Variants in RPS6KC1 observed in about 807,000 individuals in gnomAD.
RPS6KC1 encodes inactive ribosomal protein S6 kinase delta-1.
Under a neutral mutation model 103.8 loss-of-function variants are expected in RPS6KC1, and 54 were observed. The observed-to-expected ratio is 0.52, with a 90% CI of 0.42 to 0.65. RPS6KC1 has a LOEUF of 0.65. RPS6KC1 is among the 30% of genes least tolerant of loss of function. The pLI is 0.00. For missense variants in RPS6KC1, 1,151 were observed against 1,253.8 expected, an observed-to-expected ratio of 0.92 and a Z score of 1.24; for synonymous variants, 439 against 438.7, an observed-to-expected ratio of 1.00 and a Z score of -0.01.
intron 12 of RPS6KC1, among the ~76,000 whole-genome samples, chr1:213,250,913 A>G (rs1177782288): frequency 6.6e-6 from 1 of 152,154 alleles, no homozygotes; most frequent in Non-Finnish European, 1.5e-5. Context: ...TTTGTTTTTG[A>G]TAACATTTAA....
At chr1:213,808,933 T>A in the RPS6KC1 span, among the ~76,000 whole-genome samples, 7 of 152,188 alleles carry the variant, frequency 4.6e-5, no homozygotes, top group African/African-American at 1.4e-4. Flanking sequence ...CTCCTCCTGG[T>A]GGTTTTACTT....
the RPS6KC1 span, among the ~76,000 whole-genome samples, chr1:213,500,924 C>G: frequency 1.2e-3 from 178 of 152,108 alleles, no homozygotes; most frequent in African/African-American, 4.2e-3. Context: ...AAAGTCCTAT[C>G]AACAATAGCA....
the RPS6KC1 span, among the ~76,000 whole-genome samples, chr1:213,802,400 T>C: frequency 0.017 from 2,593 of 152,330 alleles, 71 homozygotes; most frequent in African/African-American, 0.058. Flanking sequence ...GTATAAATGC[T>C]ATTATAGGCT....
At chr1:213,535,167 C>T in the RPS6KC1 span, among the ~76,000 whole-genome samples, 1 of 152,118 alleles carries the variant, frequency 6.6e-6, no homozygotes, top group Non-Finnish European at 1.5e-5. Context: ...GCTGTGTTAC[C>T]AGTTCATTTA....
chr1:213,507,549 ATTTT>A, the RPS6KC1 span, among the ~76,000 whole-genome samples: 1 of 142,770 alleles, frequency 7.0e-6, no homozygotes, highest in Non-Finnish European at 1.5e-5. Flanking sequence ...CAACCCTCTC[ATTTT>A]TTTTTTTTTT....
chr1:213,277,816 C>T (rs532756343), downstream of RPS6KC1, among the ~76,000 whole-genome samples: 1 of 152,298 alleles, frequency 6.6e-6, no homozygotes, highest in East Asian at 1.9e-4. Flanking sequence ...GACAAATGAG[C>T]CAGCTTTGGG....
chr1:213,835,175 T>C, the RPS6KC1 span, among the ~76,000 whole-genome samples: 2 of 152,136 alleles, frequency 1.3e-5, no homozygotes, highest in Non-Finnish European at 1.5e-5. Context: ...AGGAGTGTCC[T>C]AGGAAAAGCC....
intron 8 of RPS6KC1, among the ~76,000 whole-genome samples, chr1:213,201,702 T>C (rs1325265298): frequency 2.0e-5 from 3 of 152,220 alleles, no homozygotes; most frequent in African/African-American, 7.2e-5. Context: ...AACTTTTTAT[T>C]TTCTGCTCAC....
At chr1:213,206,781 A>T in intron 8 of RPS6KC1, among the ~76,000 whole-genome samples, 1 of 152,022 alleles carries the variant, frequency 6.6e-6, no homozygotes, top group Non-Finnish European at 1.5e-5. Flanking sequence ...ATATTTTTGG[A>T]TCTTCCTTGT....
chr1:213,632,606 G>C, the RPS6KC1 span, among the ~76,000 whole-genome samples: 2 of 152,238 alleles, frequency 1.3e-5, no homozygotes, highest in African/African-American at 2.4e-5. Context: ...GAGCAGAAAA[G>C]CTGAAAATTC....
chr1:213,746,817 G>C, the RPS6KC1 span, among the ~76,000 whole-genome samples: 2 of 152,072 alleles, frequency 1.3e-5, no homozygotes, highest in South Asian at 4.1e-4. Context: ...GTAGGCAGAG[G>C]TTTTGGGCTC....
intron 8 of RPS6KC1, among the ~76,000 whole-genome samples, chr1:213,201,165 A>G (rs538404483): frequency 1.3e-5 from 2 of 152,210 alleles, no homozygotes; most frequent in African/African-American, 4.8e-5. Context: ...AAGGATGTTT[A>G]TAGCCACTTT....
chr1:213,679,363 G>A, the RPS6KC1 span, among the ~76,000 whole-genome samples: 2 of 152,162 alleles, frequency 1.3e-5, no homozygotes, highest in African/African-American at 4.8e-5. Flanking sequence ...GTTATTGAAT[G>A]CTTGTGACAG....
chr1:213,212,866 C>G (rs891204579), intron 8 of RPS6KC1, among the ~76,000 whole-genome samples: 1 of 152,142 alleles, frequency 6.6e-6, no homozygotes, highest in Non-Finnish European at 1.5e-5. Context: ...TATTTGCCAT[C>G]TGTATATCTT....
chr1:213,635,794 AG>A, the RPS6KC1 span, among the ~76,000 whole-genome samples: 3 of 152,216 alleles, frequency 2.0e-5, no homozygotes, highest in Admixed American at 6.5e-5. Flanking sequence ...GAAAGAAATC[AG>A]GGGTATTCAA....
chr1:213,821,950 G>C, the RPS6KC1 span: 1 of 152,196 alleles, frequency 6.6e-6, no homozygotes, highest in Non-Finnish European at 1.5e-5. Context: ...GGGTTTTATT[G>C]GTTTTCATAT....
the RPS6KC1 span, among the ~76,000 whole-genome samples, chr1:213,387,920 G>T: frequency 3.3e-5 from 5 of 152,352 alleles, no homozygotes; most frequent in South Asian, 1.0e-3. Flanking sequence ...TAAACCAGTT[G>T]TCTAGTCTGT....
the RPS6KC1 span, among the ~76,000 whole-genome samples, chr1:213,799,917 G>T: frequency 6.6e-6 from 1 of 152,230 alleles, no homozygotes; most frequent in South Asian, 2.1e-4. Flanking sequence ...GGGAATTAAG[G>T]TACCAGCATG....
At chr1:213,364,159 G>A in the RPS6KC1 span, among the ~76,000 whole-genome samples, 12 of 152,230 alleles carry the variant, frequency 7.9e-5, no homozygotes, top group Admixed American at 6.5e-4. Flanking sequence ...TAAACAAATG[G>A]ATGTGGCTGT....
Sources: allele counts gnomAD v4.1 joint callset (sites outside exome capture counted in the v4.1 genomes callset), GRCh38; gene constraint gnomAD v4.1.1; transcripts MANE v1.5; gene names NCBI Gene and HGNC (gene_info 2026-07-23, HGNC 2026-07-21).